Variants in CAMTA1 observed in about 807,000 individuals in gnomAD.
CAMTA1 encodes the protein calmodulin binding transcription activator 1, also known as calmodulin-binding transcription activator 1.
Under a neutral mutation model 170.9 loss-of-function variants are expected in CAMTA1, and 27 were observed. The ratio of observed to expected loss-of-function variants is 0.16; its 90% CI spans 0.12 to 0.22. CAMTA1 has a LOEUF of 0.22. Among genes scored for constraint, CAMTA1 ranks in the 10% least tolerant of loss-of-function variants. CAMTA1 has a pLI of 1.00. For missense variants in CAMTA1, 1,619 were observed against 2,217.2 expected (o/e 0.73, Z 5.42); for synonymous variants, 833 against 891.5 (o/e 0.93, Z 1.17).
At position 6,937,133 on chromosome 1, in the gene CAMTA1, C is replaced by T. The variant is rs561825981; in HGVS notation, c.234+111923C>T. Reference sequence around the variant, plus strand: ...CACCATCACCATTCACCATTTACCACCACCATCACCATCACCATCATCACC... The same window carrying T: ...CACCATCACCATTCACCATTTACCATCACCATCACCATCACCATCATCACC... On this transcript the variant is annotated intron_variant, in intron 3 of 22. Transcript: ENST00000303635. Among the ~76,000 whole-genome samples the T allele has an allele frequency of 1.6e-3, 237 of 151,414 alleles. 2 individuals carry two copies. Among genetic ancestry groups the T allele is most frequent in the Middle Eastern group, 3.4e-3 (1 of 292 alleles).
Position 7,598,288 on chromosome 1 carries a change from G to T in CAMTA1, c.511-42112G>T, listed in dbSNP as rs1012618178. ...ACTCATCATTTTTTATGGCTGCATA[G>T]TATTCCATGGTGTATATGTGCCACA... is the stretch of plus-strand genomic sequence containing the variant. On this transcript the variant is annotated intron_variant, in intron 6 of 22. Coordinates refer to ENST00000303635, the MANE Select transcript of CAMTA1 (RefSeq NM_015215.4). Among the ~76,000 whole-genome samples the T allele has an allele frequency of 5.9e-5, 9 of 152,190 alleles. 1 individual carries two copies. Among genetic ancestry groups the T allele is most frequent in the Admixed American group, 5.9e-4 (9 of 15,278 alleles).
intron 3 of CAMTA1, among the ~76,000 whole-genome samples, chr1:6,921,220 C>T (rs1452088338): frequency 6.6e-6 from 1 of 152,194 alleles, no homozygotes; most frequent in African/African-American, 2.4e-5. Flanking sequence ...TGAAGTTCCA[C>T]AGATCTCTAG....
At chr1:7,436,876 G>A (rs978697240) in intron 5 of CAMTA1, among the ~76,000 whole-genome samples, 13 of 152,142 alleles carry the variant, frequency 8.5e-5, no homozygotes, top group Non-Finnish European at 1.8e-4. Flanking sequence ...GGGATGTAAA[G>A]AGGTAACTGA....
chr1:7,602,118 TCCTTCCTTCCTTCCTTCCTTCCTTCCTC>T lies in CAMTA1; in HGVS notation c.511-38278_511-38251del, dbSNP rs1320300084. On this transcript the variant is annotated intron_variant, in intron 6 of 22. Coordinates refer to ENST00000303635, the MANE Select transcript of CAMTA1 (RefSeq NM_015215.4). ...TTCCTTCCTTCCTTCCTTCCTTCCT[TCCTTCCTTCCTTCCTTCCTTCCTTCCTC>T]CCTCCCTCCCTCCCTCCTCCCTTCC... 3.4e-3 allele frequency among the ~76,000 whole-genome samples: 469 copies of T among 136,954 alleles called. 6 individuals are homozygous for T. The highest frequency in any genetic ancestry group is 0.014 in the African/African-American group (456 of 32,642). The allele number at this position is 136,954 out of a possible 152,430, so 89.8% of individuals were successfully genotyped here.
At chr1:7,068,437 C>A (rs910087400) in intron 3 of CAMTA1, among the ~76,000 whole-genome samples, 1 of 151,894 alleles carries the variant, frequency 6.6e-6, no homozygotes, top group South Asian at 2.1e-4. Flanking sequence ...TGACTACCCA[C>A]GGGCTTCTGA....
intron 3 of CAMTA1, among the ~76,000 whole-genome samples, chr1:6,949,169 G>T (rs1198884575): frequency 2.0e-5 from 3 of 152,232 alleles, no homozygotes; most frequent in South Asian, 2.1e-4. Flanking sequence ...AGGCTAAATT[G>T]TTCCATTTCA....
intron 5 of CAMTA1, among the ~76,000 whole-genome samples, chr1:7,376,319 G>T (rs893436919): frequency 2.0e-5 from 3 of 152,216 alleles, no homozygotes; most frequent in African/African-American, 7.2e-5. Context: ...CTTGCTCAGG[G>T]AGCATCTAAG....
chr1:7,022,811 T>C (rs1268705282), intron 3 of CAMTA1, among the ~76,000 whole-genome samples: 1 of 152,206 alleles, frequency 6.6e-6, no homozygotes, highest in Non-Finnish European at 1.5e-5. Context: ...TATGTGGGAA[T>C]CTCTGTTCTC....
chr1:7,131,491 G>A (rs1573320448), intron 4 of CAMTA1, among the ~76,000 whole-genome samples: 1 of 150,410 alleles, frequency 6.6e-6, no homozygotes, highest in South Asian at 2.1e-4. Context: ...TTTTATGTGT[G>A]GTGTGAGATG....
chr1:7,117,127 T>C (rs1249853961), intron 4 of CAMTA1, among the ~76,000 whole-genome samples: 3 of 151,118 alleles, frequency 2.0e-5, no homozygotes, highest in African/African-American at 7.3e-5. Flanking sequence ...CCCGCCACCA[T>C]ACCCAGCTAA....
At position 7,299,607 on chromosome 1, in the gene CAMTA1, G is replaced by A. The variant is rs79379188; in HGVS notation, c.438+49981G>A. On this transcript the variant is annotated intron_variant, in intron 5 of 22. Transcript: ENST00000303635. This position sits in a 1 kb window ranked among gnomAD's most constrained non-coding sequence, Gnocchi z 4.7. Reference sequence around the variant, plus strand: ...GTGTCTCAGGCTCCTGGAACCTTCCGATTAAGCCTCCACTTCCATCTCCTC... The same window carrying A: ...GTGTCTCAGGCTCCTGGAACCTTCCAATTAAGCCTCCACTTCCATCTCCTC... Among the ~76,000 whole-genome samples, 1,607 of 152,260 alleles carry A rather than the reference G, an allele frequency of 0.011. 24 individuals are homozygous for A. Among genetic ancestry groups the A allele is most frequent in the African/African-American group, 0.037 (1,546 of 41,550 alleles).
Position 7,167,461 on chromosome 1 carries a change from GTC to G in CAMTA1, c.302+76093_302+76094del, listed in dbSNP as rs535880050. Among the ~76,000 whole-genome samples the G allele has an allele frequency of 7.6e-3, 1,151 of 152,152 alleles. 16 individuals carry two copies. The highest frequency in any genetic ancestry group is 0.011 in the Non-Finnish European group (747 of 68,014). ...TGTAGTCGTCAGTTTGTCTATTCTTGTCTCAGCACACCATCAGTTCAGTTGCT... is the reference window on the plus strand; with the variant it reads ...TGTAGTCGTCAGTTTGTCTATTCTTGTCAGCACACCATCAGTTCAGTTGCT... On this transcript the variant is annotated intron_variant, in intron 4 of 22. Transcript: ENST00000303635.
chr1:6,936,439 C>T (rs1413493167), intron 3 of CAMTA1, among the ~76,000 whole-genome samples: 1 of 151,514 alleles, frequency 6.6e-6, no homozygotes, highest in African/African-American at 2.4e-5. Context: ...CACTGGTGGC[C>T]AGAGGCAGAT....
rs1699658180 is a variant in CAMTA1 at position 7,010,725 on chromosome 1, C to T, written c.235-80579C>T. Among the ~76,000 whole-genome samples the T allele has an allele frequency of 6.6e-6, 1 of 152,170 alleles. No individual in the cohort carries two copies. Among genetic ancestry groups the T allele is most frequent in the African/African-American group, 2.4e-5 (1 of 41,458 alleles). ...CTCTCCACACCCACCCTCACTGCCA[C>T]CCCCAGCCCCAGCCTTCCTTTGTGC... On this transcript the variant is annotated intron_variant, in intron 3 of 22. Transcript: ENST00000303635. This position sits in a 1 kb window ranked among gnomAD's most constrained non-coding sequence, Gnocchi z 4.4.
intron 3 of CAMTA1, among the ~76,000 whole-genome samples, chr1:6,992,479 A>C (rs1265171295): frequency 2.6e-5 from 4 of 152,216 alleles, no homozygotes; most frequent in African/African-American, 9.7e-5. Context: ...TAGAAGCCTT[A>C]TAATGCTAGC....
At chr1:7,497,634 C>T (rs759350794) in intron 6 of CAMTA1, among the ~76,000 whole-genome samples, 1 of 152,232 alleles carries the variant, frequency 6.6e-6, no homozygotes, top group Non-Finnish European at 1.5e-5. Context: ...CTTGTACTCT[C>T]ATGAATGCTA....
At chr1:6,931,631 G>A (rs1684430462) in intron 3 of CAMTA1, among the ~76,000 whole-genome samples, 2 of 152,146 alleles carry the variant, frequency 1.3e-5, no homozygotes, top group South Asian at 4.1e-4. Context: ...TTTCCTCACT[G>A]TACCAATGAG....
intron 6 of CAMTA1, among the ~76,000 whole-genome samples, chr1:7,533,742 G>C (rs1302451411): frequency 6.6e-6 from 1 of 152,030 alleles, no homozygotes; most frequent in Non-Finnish European, 1.5e-5. Context: ...GTGAAACCCT[G>C]TCTCTACTAA....
At chr1:7,578,669 A>G (rs1243198020) in intron 6 of CAMTA1, among the ~76,000 whole-genome samples, 1 of 152,200 alleles carries the variant, frequency 6.6e-6, no homozygotes, top group Non-Finnish European at 1.5e-5. Flanking sequence ...ATGAGCAGAA[A>G]TGTATGAATC....
Sources: gnomAD v4.1 joint callset for allele counts (sites outside exome capture counted in the v4.1 genomes callset) on GRCh38, gnomAD v4.1.1 for gene constraint, Gnocchi (gnomAD v3.1) non-coding constraint, MANE v1.5 for transcripts, NCBI Gene and HGNC (gene_info 2026-07-23, HGNC 2026-07-21) for gene names.